ZNF486: variants seen among roughly 807,000 people sequenced by gnomAD.
The protein encoded by ZNF486 is zinc finger protein 486.
ZNF486 carries 12 observed loss-of-function variants against 12.8 expected under a neutral mutation model. That is an observed-to-expected ratio of 0.94 (90% confidence interval 0.60 to 1.52). The LOEUF (loss-of-function observed/expected upper bound fraction) is 1.52, where lower values mean the gene tolerates loss of function less well. Ranked by LOEUF, ZNF486 falls within the 40% of genes most tolerant of loss-of-function variation. ZNF486 has a pLI of 0.00. For synonymous variants in ZNF486, 231 were observed against 184.9 expected, an observed-to-expected ratio of 1.25 and a Z score of -2.02; for missense variants, 738 against 545.0, an observed-to-expected ratio of 1.35 and a Z score of -3.53.
In ZNF486 at chr19:20,167,304, G is replaced by T. The variant is rs2089594180; in HGVS notation, c.-27G>T. The T allele has an allele frequency of 6.2e-7, 1 of 1,613,984 alleles. No homozygotes were observed. The highest frequency in any genetic ancestry group is 1.3e-5 in the African/African-American group (1 of 74,922). On this transcript the variant is annotated 5_prime_UTR_variant, in exon 1 of 4. Coordinates refer to ENST00000335117, the MANE Select transcript of ZNF486 (RefSeq NM_052852.4). ...CCCACCCTCTGTGGCCCTGTGTCCT[G>T]TAGGTATTGGGAGATCCACAGCCAA...
intron 3 of ZNF486, among the ~76,000 whole-genome samples, chr19:20,190,693 T>G (rs1298993109): frequency 2.0e-5 from 3 of 152,244 alleles, no homozygotes; most frequent in Non-Finnish European, 2.9e-5. Flanking sequence ...TCAGTACTTT[T>G]AAATTTAATA....
At chr19:20,180,433 A>G (rs1364923642) in intron 1 of ZNF486, among the ~76,000 whole-genome samples, 7 of 152,306 alleles carry the variant, frequency 4.6e-5, no homozygotes, top group South Asian at 2.1e-4. Context: ...CAGCAACTGG[A>G]TAAATAATTG....
Position 20,200,382 on chromosome 19 carries a change from C to CAGAGTAA in ZNF486, c.*2280_*2281insAGAGTAA, listed in dbSNP as rs1555718740. On this transcript the variant is annotated 3_prime_UTR_variant, in exon 4 of 4. Transcript: ENST00000335117. ...TAAGGTAGGTCAGAGTAATACTTTT[C>CAGAGTAA]TACATTATAGTGCAAGAAATAATTA... The CAGAGTAA allele has an allele frequency of 1.1e-4, 16 of 152,136 alleles. No individual in the cohort carries two copies. Among genetic ancestry groups the CAGAGTAA allele is most frequent in the African/African-American group, 3.9e-4 (16 of 41,532 alleles). The allele number at this position is 152,136 out of a possible 1,614,324, so 9.4% of individuals were successfully genotyped here. A position where few individuals can be genotyped will look rare whatever the true frequency, so the allele number is the denominator to read the frequency against.
rs1216773856 is a variant in ZNF486, at chr19:20,198,901, C to G, written c.*799C>G. The G allele has an allele frequency of 6.6e-6, 1 of 152,062 alleles. No homozygotes were observed. The highest frequency in any genetic ancestry group is 2.4e-5 in the African/African-American group (1 of 41,064). 9.4% of individuals were successfully genotyped at this position (152,062 alleles called of 1,614,324 possible). A position where few individuals can be genotyped will look rare whatever the true frequency, so the allele number is the denominator to read the frequency against. On this transcript the variant is annotated 3_prime_UTR_variant, in exon 4 of 4. Coordinates refer to ENST00000335117, the MANE Select transcript of ZNF486 (RefSeq NM_052852.4). ...TACAAACCTGAAAGATGTGACAGTG[C>G]TTTTCCCAACACCTCCAACTTTTCT...
At chr19:20,173,629 G>C (rs1380028371) in intron 1 of ZNF486, among the ~76,000 whole-genome samples, 1 of 152,058 alleles carries the variant, frequency 6.6e-6, no homozygotes, top group Admixed American at 6.6e-5. Flanking sequence ...AGGAGATAGA[G>C]ATCATCCTGG....
chr19:20,195,511 T>G (rs559522653), intron 3 of ZNF486, among the ~76,000 whole-genome samples: 1 of 152,230 alleles, frequency 6.6e-6, no homozygotes, highest in Non-Finnish European at 1.5e-5. Context: ...TGTATACTTT[T>G]TATGGTTGCT....
At chr19:20,185,890 C>A in intron 2 of ZNF486, 97 bp from the exon 3 acceptor site, 1 of 589,144 alleles carries the variant, frequency 1.7e-6, no homozygotes, top group Non-Finnish European at 2.6e-6. Context: ...TATTAATTTA[C>A]TAGAATATTT....
chr19:20,188,202 G>C (rs2089869182), intron 3 of ZNF486, among the ~76,000 whole-genome samples: 1 of 152,048 alleles, frequency 6.6e-6, no homozygotes, highest in Non-Finnish European at 1.5e-5. Context: ...GAGTAGTCAT[G>C]GAGATAGTCT....
chr19:20,189,606 T>C (rs1302049497), intron 3 of ZNF486, among the ~76,000 whole-genome samples: 1 of 152,234 alleles, frequency 6.6e-6, no homozygotes, highest in Non-Finnish European at 1.5e-5. Context: ...TTGTGCATTC[T>C]TTCAAATGCT....
intron 1 of ZNF486, among the ~76,000 whole-genome samples, chr19:20,172,251 C>G (rs535967998): frequency 4.7e-4 from 72 of 152,220 alleles, no homozygotes; most frequent in Non-Finnish European, 2.6e-4. Flanking sequence ...GATTACCCGG[C>G]CTCAGCCTCC....
intron 1 of ZNF486, among the ~76,000 whole-genome samples, chr19:20,174,306 C>T (rs2089681373): frequency 1.3e-5 from 2 of 152,134 alleles, no homozygotes; most frequent in Admixed American, 1.3e-4. Context: ...CTATTTATTA[C>T]TTCAGAATAA....
chr19:20,182,128 G>T (rs2089794075), intron 1 of ZNF486, among the ~76,000 whole-genome samples: 1 of 152,144 alleles, frequency 6.6e-6, no homozygotes, highest in African/African-American at 2.4e-5. Context: ...GAAGTATTTG[G>T]TTGTGAAAAG....
intron 1 of ZNF486, among the ~76,000 whole-genome samples, chr19:20,183,831 GGCTCTT>G (rs1555715928): frequency 6.6e-6 from 1 of 151,934 alleles, no homozygotes; most frequent in African/African-American, 2.4e-5. Context: ...AAAAAACACA[GGCTCTT>G]GCACTTACTG....
At chr19:20,191,597 G>A (rs1254703167) in intron 3 of ZNF486, among the ~76,000 whole-genome samples, 2 of 150,038 alleles carry the variant, frequency 1.3e-5, no homozygotes, top group Admixed American at 1.3e-4. Context: ...GTGAAACCCC[G>A]TCTCTATTAA....
chr19:20,189,752 G>A (rs538949747), intron 3 of ZNF486, among the ~76,000 whole-genome samples: 1 of 151,858 alleles, frequency 6.6e-6, no homozygotes, highest in Non-Finnish European at 1.5e-5. Flanking sequence ...ATCTGCAAAT[G>A]TTTTCATCCA....
rs1374818746 is a variant in ZNF486, at chr19:20,198,222, C to T, written c.*120C>T. On this transcript the variant is annotated 3_prime_UTR_variant, in exon 4 of 4. Transcript: ENST00000335117. ...ACCTCCACCTTCTGGGTTCAAGTAA[C>T]TCTCCTTAGTAGCTAGGATTACAGG... 1.2e-6 allele frequency: 1 copy of T among 809,194 alleles called. No individual in the cohort carries two copies. Among genetic ancestry groups the T allele is most frequent in the South Asian group, 1.9e-5 (1 of 51,764 alleles). 50.1% of individuals were successfully genotyped at this position (809,194 alleles called of 1,614,324 possible). A position where few individuals can be genotyped will look rare whatever the true frequency, so the allele number is the denominator to read the frequency against.
intron 1 of ZNF486, 36 bp downstream of exon 1, chr19:20,167,396 G>C (rs1555713170): frequency 6.2e-7 from 1 of 1,607,816 alleles, no homozygotes; most frequent in South Asian, 1.1e-5. Context: ...AGAGAGGGGA[G>C]GGACTGGTTG....
intron 1 of ZNF486, among the ~76,000 whole-genome samples, chr19:20,171,561 C>T (rs2089648529): frequency 6.6e-6 from 1 of 152,204 alleles, no homozygotes; most frequent in East Asian, 1.9e-4. Context: ...CCTGTTTTCT[C>T]CACCATCCTA....
rs551915540 is a variant in ZNF486, at chr19:20,185,866, A to C, written c.158-121A>C. On this transcript the variant is annotated intron_variant, in intron 2 of 3. Transcript: ENST00000335117. ...TCTAAATATTTAGAAATTTGTTATG[A>C]ATTAGTATTTTGGTATTAATTTACT... 3.4e-4 allele frequency: 174 copies of C among 505,552 alleles called. 1 individual carries two copies. Among genetic ancestry groups the C allele is most frequent in the African/African-American group, 3.0e-3 (149 of 49,898 alleles). 31.3% of individuals were successfully genotyped at this position (505,552 alleles called of 1,614,324 possible). A position where few individuals can be genotyped will look rare whatever the true frequency, so the allele number is the denominator to read the frequency against.
Sources: gnomAD v4.1 joint callset for allele counts (sites outside exome capture counted in the v4.1 genomes callset) on GRCh38, gnomAD v4.1.1 for gene constraint, MANE v1.5 for transcripts, NCBI Gene and HGNC (gene_info 2026-07-23, HGNC 2026-07-21) for gene names.